The following GSG1L variants were observed in gnomAD, a reference collection of about 807,000 sequenced individuals.
GSG1L encodes germ cell-specific gene 1-like protein.
GSG1L carries 24 observed loss-of-function variants against 42.1 expected under a neutral mutation model. The observed-to-expected ratio is 0.57, with a 90% CI of 0.41 to 0.80. The LOEUF is 0.80. GSG1L is among the 30% of genes least tolerant of loss of function. GSG1L has a pLI of 0.00. For synonymous variants in GSG1L, 215 were observed against 203.5 expected (o/e 1.06, Z -0.48); for missense variants, 445 against 472.2 (o/e 0.94, Z 0.53).
intron 2 of GSG1L, among the ~76,000 whole-genome samples, chr16:27,931,574 A>G (rs2084658190): frequency 6.6e-6 from 1 of 152,244 alleles, no homozygotes; most frequent in African/African-American, 2.4e-5. Flanking sequence ...AAGCTGGAGA[A>G]TGCCCAGTGT....
intron 2 of GSG1L, among the ~76,000 whole-genome samples, chr16:27,907,564 C>T (rs1207219039): frequency 6.6e-6 from 1 of 152,244 alleles, no homozygotes; most frequent in African/African-American, 2.4e-5. Flanking sequence ...CTGTGCAGCC[C>T]TGGCCAAGTG....
At chr16:27,888,492 T>TTTCTTTCTTTCC (rs2084073116) in intron 2 of GSG1L, among the ~76,000 whole-genome samples, 1 of 5,810 alleles carries the variant, frequency 1.7e-4, no homozygotes, top group African/African-American at 4.5e-4. Flanking sequence ...CCTTTCTTTC[T>TTTCTTTCTTTCC]TTCTTTCTTT....
intron 2 of GSG1L, among the ~76,000 whole-genome samples, chr16:27,929,270 A>T (rs1314078688): frequency 6.6e-6 from 1 of 152,164 alleles, no homozygotes; most frequent in Non-Finnish European, 1.5e-5. Context: ...TTAGGGAACT[A>T]TGCCTCCCCA....
intron 6 of GSG1L, among the ~76,000 whole-genome samples, chr16:27,798,042 G>T (rs757728448): frequency 6.6e-6 from 1 of 152,166 alleles, no homozygotes; most frequent in African/African-American, 2.4e-5. Context: ...GAGGATGGGA[G>T]TGGGGTAAGG....
rs2083115092 is a variant in GSG1L, at chr16:27,817,964, T to A, written c.831-10410A>T. Reference sequence around the variant, plus strand: ...CCTGCTCTATCCTCCAGCCCAGTACTTCGCAAATTTAACGGTGCTCCAAGA... The same window carrying A: ...CCTGCTCTATCCTCCAGCCCAGTACATCGCAAATTTAACGGTGCTCCAAGA... On this transcript the variant is annotated intron_variant, in intron 5 of 6. Transcript: ENST00000447459. Among the ~76,000 whole-genome samples, 5 of 152,302 alleles carry A rather than the reference T, an allele frequency of 3.3e-5. No homozygotes were observed. The South Asian group carries it at 1.0e-3, about 32-fold the overall frequency.
At chr16:28,029,899 G>A (rs1487050513) in intron 1 of GSG1L, among the ~76,000 whole-genome samples, 3 of 152,048 alleles carry the variant, frequency 2.0e-5, no homozygotes, top group Non-Finnish European at 4.4e-5. Flanking sequence ...CGCACATGTG[G>A]GCCGTGTGTG....
intron 3 of GSG1L, among the ~76,000 whole-genome samples, chr16:27,860,210 G>A (rs2083629212): frequency 6.6e-6 from 1 of 152,232 alleles, no homozygotes; most frequent in Admixed American, 6.5e-5. Flanking sequence ...GGTTACCCCA[G>A]TCTGCACCTG....
chr16:27,888,228 T>G, intron 2 of GSG1L: 1 of 533,180 alleles, frequency 1.9e-6, no homozygotes, highest in Non-Finnish European at 2.4e-6. Flanking sequence ...GCCAGGACGC[T>G]TCCCCCGCCC....
intron 1 of GSG1L, among the ~76,000 whole-genome samples, chr16:28,029,459 T>A (rs2085932507): frequency 6.6e-6 from 1 of 152,116 alleles, no homozygotes; most frequent in Non-Finnish European, 1.5e-5. Context: ...ATCAGCAATA[T>A]TTGTTAGATG....
At chr16:27,986,165 C>G (rs1174596310) in intron 1 of GSG1L, among the ~76,000 whole-genome samples, 2 of 152,122 alleles carry the variant, frequency 1.3e-5, no homozygotes, top group Non-Finnish European at 2.9e-5. Flanking sequence ...AGAGTTATTG[C>G]CGCAGGGAGG....
chr16:27,839,277 T>C (rs1362439479), intron 4 of GSG1L, among the ~76,000 whole-genome samples: 1 of 152,214 alleles, frequency 6.6e-6, no homozygotes, highest in Non-Finnish European at 1.5e-5. Flanking sequence ...TGCTACTCTC[T>C]TGCTGTGTGA....
intron 3 of GSG1L, among the ~76,000 whole-genome samples, chr16:27,854,208 A>G (rs74013591): frequency 0.14 from 17,791 of 127,170 alleles, 1,270 homozygotes; most frequent in African/African-American, 0.24. Context: ...GGGGAGAGGA[A>G]GGGGGAGGAT....
intron 1 of GSG1L, among the ~76,000 whole-genome samples, chr16:28,044,754 G>A (rs1251134167): frequency 6.6e-6 from 1 of 151,816 alleles, no homozygotes; most frequent in Non-Finnish European, 1.5e-5. Context: ...CTCCCAAGTA[G>A]CCAGGATTAG....
intron 5 of GSG1L, among the ~76,000 whole-genome samples, chr16:27,826,084 G>A (rs942309090): frequency 2.0e-5 from 3 of 152,178 alleles, no homozygotes; most frequent in Non-Finnish European, 4.4e-5. Context: ...TAAGGTTGTG[G>A]GGAGTGTGTG....
At chr16:27,905,340 A>T (rs5816451) in intron 2 of GSG1L, among the ~76,000 whole-genome samples, 43,267 of 109,358 alleles carry the variant, frequency 0.4, 6,813 homozygotes, top group Non-Finnish European at 0.47. Flanking sequence ...TTTTTTTTTT[A>T]AAGCGACAGG....
chr16:28,053,879 C>T (rs895762868), intron 1 of GSG1L, among the ~76,000 whole-genome samples: 5 of 152,192 alleles, frequency 3.3e-5, no homozygotes, highest in Non-Finnish European at 7.3e-5. Flanking sequence ...GTGCACGTGC[C>T]TCGATCTCCC....
intron 2 of GSG1L, among the ~76,000 whole-genome samples, chr16:27,955,535 A>G (rs2084992824): frequency 6.6e-6 from 1 of 152,204 alleles, no homozygotes; most frequent in African/African-American, 2.4e-5. Context: ...AGTCTGGAAG[A>G]CAAGGGAGCA....
intron 2 of GSG1L, among the ~76,000 whole-genome samples, chr16:27,951,854 CG>C (rs1326796570): frequency 6.6e-6 from 1 of 152,128 alleles, no homozygotes; most frequent in East Asian, 1.9e-4. Flanking sequence ...GTTGAGGGAA[CG>C]AACAAGAGAC....
intron 1 of GSG1L, among the ~76,000 whole-genome samples, chr16:28,017,122 C>T (rs1417791995): frequency 2.0e-5 from 3 of 152,192 alleles, no homozygotes; most frequent in African/African-American, 4.8e-5. Flanking sequence ...TTATTGGAAA[C>T]TCCAAAATCA....
Sources: allele counts gnomAD v4.1 joint callset (sites outside exome capture counted in the v4.1 genomes callset), GRCh38; gene constraint gnomAD v4.1.1; transcripts MANE v1.5; gene names NCBI Gene and HGNC (gene_info 2026-07-23, HGNC 2026-07-21).